Variants in RBFOX3 observed in about 807,000 individuals in gnomAD.
RBFOX3 encodes the protein RNA binding fox-1 homolog 3.
Under a neutral mutation model 48.7 loss-of-function variants are expected in RBFOX3, and 17 were observed. The observed-to-expected ratio is 0.35, with a 90% CI of 0.24 to 0.52. RBFOX3 has a LOEUF of 0.52. Ranked by LOEUF, RBFOX3 falls within the 20% of genes least tolerant of loss-of-function variation. The pLI is 0.94. For missense variants in RBFOX3, 382 were observed against 497.5 expected, an observed-to-expected ratio of 0.77 and a Z score of 2.21; for synonymous variants, 212 against 209.5, an observed-to-expected ratio of 1.01 and a Z score of -0.10.
the RBFOX3 span, among the ~76,000 whole-genome samples, chr17:79,620,068 TGCACAC>T: frequency 7.5e-6 from 1 of 132,634 alleles, no homozygotes; most frequent in African/African-American, 2.9e-5. Flanking sequence ...CATATGTACA[TGCACAC>T]ATGCACACAA....
rs187986882 is a variant in RBFOX3 at position 79,359,427 on chromosome 17, C to T, written c.-174-51603G>A. ...ACTGAGCAGCCTTTATTTTATCTAG[C>T]AAGCTACTCTCCACATCCTCCCCCA... is the stretch of plus-strand genomic sequence containing the variant. On this transcript the variant is annotated intron_variant, in intron 2 of 14. Coordinates refer to ENST00000693108, the MANE Select transcript of RBFOX3 (RefSeq NM_001350451.2). 1.0e-3 allele frequency among the ~76,000 whole-genome samples: 158 copies of T among 152,292 alleles called. 2 individuals carry two copies. Among genetic ancestry groups the T allele is most frequent in the Admixed American group, 2.0e-3 (31 of 15,296 alleles).
intron 14 of RBFOX3, chr17:79,092,091 T>G: frequency 1.0e-6 from 1 of 985,394 alleles, no homozygotes; most frequent in Non-Finnish European, 1.2e-6. Flanking sequence ...CTGGAGCCCC[T>G]CCCTCCCTGC....
At chr17:79,210,370 C>T (rs1479123529) in intron 4 of RBFOX3, among the ~76,000 whole-genome samples, 1 of 152,212 alleles carries the variant, frequency 6.6e-6, no homozygotes, top group Non-Finnish European at 1.5e-5. Flanking sequence ...TTTCACCTCG[C>T]TGTAATCAGG....
chr17:79,571,692 C>A (rs951660183), intron 1 of RBFOX3, among the ~76,000 whole-genome samples: 20 of 152,222 alleles, frequency 1.3e-4, no homozygotes, highest in African/African-American at 4.6e-4. Context: ...CTGCATCGCA[C>A]CAAGCAAGGG....
intron 4 of RBFOX3, among the ~76,000 whole-genome samples, chr17:79,170,116 A>AAGGAAGGAAGGAAGGAGGAAGG (rs1568273352): frequency 8.4e-6 from 1 of 119,100 alleles, no homozygotes; most frequent in African/African-American, 4.3e-5. Context: ...AAGGAGGAGG[A>AAGGAAGGAAGGAAGGAGGAAGG]AGGAAGGAAG....
At chr17:79,450,752 C>T (rs2073330673) in intron 2 of RBFOX3, among the ~76,000 whole-genome samples, 1 of 152,166 alleles carries the variant, frequency 6.6e-6, no homozygotes, top group South Asian at 2.1e-4. Context: ...AGGAGGACCC[C>T]TGTCTGGCAA....
intron 2 of RBFOX3, among the ~76,000 whole-genome samples, chr17:79,467,964 A>T (rs2076536501): frequency 6.6e-6 from 1 of 151,884 alleles, no homozygotes; most frequent in Non-Finnish European, 1.5e-5. Context: ...ATGAGAACCC[A>T]GGAGACGGTT....
chr17:79,308,387 T>C (rs964392906), intron 2 of RBFOX3, among the ~76,000 whole-genome samples: 2 of 152,172 alleles, frequency 1.3e-5, no homozygotes, highest in Non-Finnish European at 2.9e-5. Flanking sequence ...ACCCCATCAG[T>C]GTCACCACGA....
chr17:79,167,996 G>C (rs1455214794), intron 4 of RBFOX3, among the ~76,000 whole-genome samples: 1 of 152,252 alleles, frequency 6.6e-6, no homozygotes, highest in Non-Finnish European at 1.5e-5. Context: ...GGGGCAGTGG[G>C]GGTCCCCGGC....
intron 1 of RBFOX3, among the ~76,000 whole-genome samples, chr17:79,514,328 C>T (rs2084942585): frequency 6.6e-6 from 1 of 152,212 alleles, no homozygotes; most frequent in Non-Finnish European, 1.5e-5. Flanking sequence ...CACGGGTACA[C>T]ACTCGGCGGT....
intron 3 of RBFOX3, among the ~76,000 whole-genome samples, chr17:79,255,222 CGT>C (rs142604866): frequency 0.16 from 23,798 of 147,196 alleles, 1,940 homozygotes; most frequent in East Asian, 0.27. Context: ...CACATGTGTG[CGT>C]GTGTGTGTGT....
intron 4 of RBFOX3, among the ~76,000 whole-genome samples, chr17:79,217,911 G>A (rs2059258986): frequency 6.6e-6 from 1 of 152,134 alleles, no homozygotes. Flanking sequence ...GGGTGAGGTG[G>A]AGCTGAGAGG....
At chr17:79,322,396 G>A (rs1056344390) in intron 2 of RBFOX3, among the ~76,000 whole-genome samples, 1 of 152,208 alleles carries the variant, frequency 6.6e-6, no homozygotes, top group Non-Finnish European at 1.5e-5. Flanking sequence ...GGCACAGGTG[G>A]GGTGCCCAGG....
At chr17:79,201,153 C>G (rs908169424) in intron 4 of RBFOX3, among the ~76,000 whole-genome samples, 2 of 151,838 alleles carry the variant, frequency 1.3e-5, no homozygotes, top group Admixed American at 6.6e-5. Context: ...TCCGATGGAG[C>G]TGTAACCAGA....
chr17:79,409,623 G>A (rs2064007650), intron 2 of RBFOX3, among the ~76,000 whole-genome samples: 1 of 152,244 alleles, frequency 6.6e-6, no homozygotes, highest in African/African-American at 2.4e-5. Flanking sequence ...TGTTGCCTCT[G>A]TCCATATGGA....
At chr17:79,279,533 A>G (rs1567967113) in intron 3 of RBFOX3, among the ~76,000 whole-genome samples, 1 of 152,158 alleles carries the variant, frequency 6.6e-6, no homozygotes, top group East Asian at 1.9e-4. Context: ...ATGCTGGGTG[A>G]CCAAATAGAG....
chr17:79,585,370 A>G (rs2093215501), intron 1 of RBFOX3, among the ~76,000 whole-genome samples: 1 of 151,976 alleles, frequency 6.6e-6, no homozygotes, highest in Admixed American at 6.5e-5. Flanking sequence ...AGCCTGGCCA[A>G]CATGGTGAAA....
upstream of RBFOX3, among the ~76,000 whole-genome samples, chr17:79,612,334 G>C (rs2093975409): frequency 6.6e-6 from 1 of 152,128 alleles, no homozygotes; most frequent in Non-Finnish European, 1.5e-5. Flanking sequence ...CCTCGCACCT[G>C]ACTGTCCTGC....
At chr17:79,352,849 A>C (rs944364935) in intron 2 of RBFOX3, among the ~76,000 whole-genome samples, 2 of 152,194 alleles carry the variant, frequency 1.3e-5, no homozygotes, top group African/African-American at 2.4e-5. Flanking sequence ...CCCTGTCTGC[A>C]CTGGGAATGG....
Sources: allele counts gnomAD v4.1 joint callset (sites outside exome capture counted in the v4.1 genomes callset), GRCh38; gene constraint gnomAD v4.1.1; transcripts MANE v1.5; gene names NCBI Gene and HGNC (gene_info 2026-07-23, HGNC 2026-07-21).